The following STEAP3 variants were observed in gnomAD, a reference collection of about 807,000 sequenced individuals.
STEAP3 encodes the protein STEAP3 metalloreductase.
In STEAP3, 35 loss-of-function variants were observed where a neutral mutation model predicts 34.9. That is an observed-to-expected ratio of 1.00 (90% CI 0.76 to 1.33). STEAP3 has a LOEUF of 1.33. Among genes scored for constraint, STEAP3 ranks in the 40% most tolerant of loss-of-function variants. The pLI is 0.00. For synonymous variants in STEAP3, 281 were observed against 301.6 expected, an observed-to-expected ratio of 0.93 and a Z score of 0.71; for missense variants, 652 against 667.6, an observed-to-expected ratio of 0.98 and a Z score of 0.26.
intron 1 of STEAP3, among the ~76,000 whole-genome samples, chr2:119,228,732 G>C (rs912875859): frequency 1.3e-5 from 2 of 152,168 alleles, no homozygotes; most frequent in Non-Finnish European, 2.9e-5. Context: ...GCTGGTGTGA[G>C]TTCCATTGGG....
intron 5 of STEAP3, among the ~76,000 whole-genome samples, chr2:119,259,270 C>T (rs1326407055): frequency 6.6e-6 from 1 of 152,162 alleles, no homozygotes. Context: ...AACAAGCTTA[C>T]GTATAATAAA....
intron 5 of STEAP3, among the ~76,000 whole-genome samples, chr2:119,259,445 C>G (rs1327503057): frequency 6.6e-6 from 1 of 152,206 alleles, no homozygotes; most frequent in Non-Finnish European, 1.5e-5. Flanking sequence ...GTCAAAGGCC[C>G]TTTGTTATTG....
intron 4 of STEAP3, among the ~76,000 whole-genome samples, chr2:119,251,323 C>T (rs1466033729): frequency 1.3e-5 from 2 of 152,210 alleles, no homozygotes; most frequent in African/African-American, 4.8e-5. Context: ...GATTTCCTTA[C>T]AGCCCTGAGT....
chr2:119,227,075 G>A (rs1222862975), intron 1 of STEAP3, among the ~76,000 whole-genome samples: 1 of 152,164 alleles, frequency 6.6e-6, no homozygotes, highest in Non-Finnish European at 1.5e-5. Flanking sequence ...TCCCACTTCT[G>A]GCAGGATGAG....
At chr2:119,260,365 T>C (rs561779858) in intron 5 of STEAP3, among the ~76,000 whole-genome samples, 8 of 150,280 alleles carry the variant, frequency 5.3e-5, no homozygotes, top group African/African-American at 2.0e-4. Context: ...CAGGCTGGAG[T>C]GCAATGGCGT....
In STEAP3 at chr2:119,263,306, C is replaced by T. The variant is rs779851052; in HGVS notation, c.1465C>T (p.His489Tyr). The change falls in exon 6 of 6, where the codon CAC (histidine) becomes TAC (tyrosine). Residue 489 changes from histidine to tyrosine, a missense_variant. Coordinates refer to ENST00000393110, the MANE Select transcript of STEAP3 (RefSeq NM_182915.3). ...CATCAAGTTCACGCTGCCCACAGAC[C>T]ACGCCCTGGCCGAGAAGACGAGCCA... ...STIKFTLPTDHALAEKTSHV is the reference protein window; with the variant it reads ...STIKFTLPTDYALAEKTSHV 1.9e-6 allele frequency: 3 copies of T among 1,613,558 alleles called. No homozygotes were observed. Among genetic ancestry groups the T allele is most frequent in the Admixed American group, 3.3e-5 (2 of 59,950 alleles).
chr2:119,248,146 CT>C lies in STEAP3; in HGVS notation c.992del (p.Phe331SerfsTer56), dbSNP rs1412866768. ...GCGCCGCCCTGCACGCCCTCTACAG[CT>C]TCTGCTTGCCGCTGCGCCGCGCCCA... ...FCAALHALYSFCLPLRRAHRY... is the reference protein window; with the variant it reads ...FCAALHALYSXCLPLRRAHRY... On this transcript the variant is annotated frameshift_variant, in exon 4 of 6. Coordinates refer to ENST00000393110, the MANE Select transcript of STEAP3 (RefSeq NM_182915.3). LOFTEE classifies it high-confidence loss of function. The C allele has an allele frequency of 1.1e-5, 18 of 1,607,394 alleles. No homozygotes were observed. Among genetic ancestry groups the C allele is most frequent in the Non-Finnish European group, 1.4e-5 (17 of 1,179,094 alleles).
intron 2 of STEAP3, among the ~76,000 whole-genome samples, chr2:119,242,392 A>T (rs1004793042): frequency 6.6e-6 from 1 of 151,952 alleles, no homozygotes; most frequent in East Asian, 1.9e-4. Context: ...ACAAGGGGAG[A>T]CTTGGCCCTC....
intron 5 of STEAP3, among the ~76,000 whole-genome samples, chr2:119,260,263 C>G (rs1282828140): frequency 6.6e-6 from 1 of 151,938 alleles, no homozygotes; most frequent in Non-Finnish European, 1.5e-5. Flanking sequence ...GGGCTGGGCA[C>G]CTGGCTGGGG....
At chr2:119,254,191 G>A (rs1235473630) in intron 4 of STEAP3, among the ~76,000 whole-genome samples, 1 of 151,738 alleles carries the variant, frequency 6.6e-6, no homozygotes. Context: ...TGAGCTCATT[G>A]GCTGAGGGGA....
chr2:119,226,290 C>T (rs909107382), intron 1 of STEAP3, among the ~76,000 whole-genome samples: 2 of 152,220 alleles, frequency 1.3e-5, no homozygotes, highest in Non-Finnish European at 2.9e-5. Flanking sequence ...AGGCTGGATC[C>T]ACTCTTTCCT....
intron 1 of STEAP3, among the ~76,000 whole-genome samples, chr2:119,230,266 C>T (rs773763487): frequency 1.8e-4 from 27 of 152,202 alleles, no homozygotes; most frequent in Non-Finnish European, 2.1e-4. Context: ...CACTGAAAAG[C>T]CATCCCCAGC....
intron 5 of STEAP3, among the ~76,000 whole-genome samples, chr2:119,261,150 GAC>G (rs140456196): frequency 1.1e-4 from 17 of 150,444 alleles, no homozygotes; most frequent in Non-Finnish European, 1.6e-4. Context: ...GAAATGAAGG[GAC>G]ACACACACAC....
At chr2:119,242,941 G>T (rs552459737) in intron 2 of STEAP3, among the ~76,000 whole-genome samples, 1 of 152,118 alleles carries the variant, frequency 6.6e-6, no homozygotes, top group Non-Finnish European at 1.5e-5. Context: ...CAGGAGGCCC[G>T]TTGTCACCTA....
rs546937619 is a variant in STEAP3 at position 119,252,119 on chromosome 2, G to C, written c.1051-2565G>C. 7.2e-5 allele frequency among the ~76,000 whole-genome samples: 11 copies of C among 152,212 alleles called. No homozygotes were observed. In the East Asian group the frequency reaches 1.7e-3, roughly 24 times the overall value. On this transcript the variant is annotated intron_variant, in intron 4 of 5. Coordinates refer to ENST00000393110, the MANE Select transcript of STEAP3 (RefSeq NM_182915.3). ...TTAAGAGGAGTGCACGTAGAGCTTG[G>C]AGCAAGAACTAGTCTAACTGCCTTG...
intron 2 of STEAP3, among the ~76,000 whole-genome samples, chr2:119,233,189 C>T (rs12470404): frequency 0.078 from 11,877 of 152,192 alleles, 680 homozygotes; most frequent in African/African-American, 0.16. Context: ...CCAGGAGCCT[C>T]CAAAAACCCT....
In STEAP3 at chr2:119,231,051, C is replaced by T. The variant is rs565109241; in HGVS notation, c.22+17C>T. 7.2e-5 allele frequency: 116 copies of T among 1,614,126 alleles called. No homozygotes were observed. Among genetic ancestry groups the T allele is most frequent in the Non-Finnish European group, 9.0e-5 (106 of 1,180,016 alleles). On this transcript the variant is annotated intron_variant, in intron 2 of 5. Coordinates refer to ENST00000393110, the MANE Select transcript of STEAP3 (RefSeq NM_182915.3). The stretch of plus-strand genomic sequence containing the variant: ...CTGCTGTTGGTAAGTCTGGCTAGGA[C>T]GCAGATCCAAGGGGGCATGGGTCGT...
intron 5 of STEAP3, among the ~76,000 whole-genome samples, chr2:119,255,613 C>T (rs566590247): frequency 1.3e-5 from 2 of 152,052 alleles, no homozygotes; most frequent in Non-Finnish European, 2.9e-5. Context: ...ACAAGCTGGG[C>T]GCTGTGGCAT....
intron 2 of STEAP3, among the ~76,000 whole-genome samples, chr2:119,241,086 ATACAAGAT>A (rs1411583504): frequency 2.0e-5 from 3 of 151,676 alleles, no homozygotes; most frequent in Admixed American, 6.6e-5. Flanking sequence ...ACACACATGC[ATACAAGAT>A]TAGGAAACAC....
Sources: gnomAD v4.1 joint callset for allele counts (sites outside exome capture counted in the v4.1 genomes callset) on GRCh38, gnomAD v4.1.1 for gene constraint, MANE v1.5 for transcripts, NCBI Gene and HGNC (gene_info 2026-07-23, HGNC 2026-07-21) for gene names.